Variants in AZGP1 observed in about 807,000 individuals in gnomAD.
AZGP1 encodes zinc-alpha-2-glycoprotein.
AZGP1 carries 28 observed loss-of-function variants against 31.5 expected under a neutral mutation model. The observed-to-expected ratio is 0.89, with a 90% confidence interval of 0.66 to 1.22. The LOEUF (loss-of-function observed/expected upper bound fraction) is 1.22. Ranked by LOEUF, AZGP1 falls within the 50% of genes most tolerant of loss-of-function variation. The pLI is 0.00. For missense variants in AZGP1, 361 were observed against 371.8 expected, an observed-to-expected ratio of 0.97 and a Z score of 0.24; for synonymous variants, 135 against 145.4, an observed-to-expected ratio of 0.93 and a Z score of 0.51.
chr7:99,971,332 C>G (rs964965407), intron 2 of AZGP1, among the ~76,000 whole-genome samples: 12 of 152,190 alleles, frequency 7.9e-5, no homozygotes, highest in Admixed American at 3.9e-4. Flanking sequence ...CTGTCAACAG[C>G]TAGGACTGGC....
chr7:99,968,521 A>T lies in AZGP1; in HGVS notation c.338-91T>A. 3 of 1,508,722 alleles carry T rather than the reference A, an allele frequency of 2.0e-6. No individual in the cohort carries two copies. The South Asian group carries it at 3.6e-5, about 18-fold the overall frequency. The allele number at this position is 1,508,722 out of a possible 1,614,324, so 93.5% of individuals were successfully genotyped here. Reference sequence around the variant, plus strand: ...TAGTCTTGCACATTGGGCAACCCAAAAGAAATAAAGGTTTTTGCAATTCAA... The same window carrying T: ...TAGTCTTGCACATTGGGCAACCCAATAGAAATAAAGGTTTTTGCAATTCAA... On this transcript the variant is annotated intron_variant, in intron 2 of 3. Transcript: ENST00000292401.
rs1789653939 is a variant in AZGP1 at position 99,975,934 on chromosome 7, T to C, written c.76+11A>G. Reference sequence around the variant, plus strand: ...CCTCTCCAGCACCCATCCCTTGCTTTCCCCACTCACCATCTTGGTTCTCCT... The same window carrying C: ...CCTCTCCAGCACCCATCCCTTGCTTCCCCCACTCACCATCTTGGTTCTCCT... On this transcript the variant is annotated intron_variant, in intron 1 of 3. Coordinates refer to ENST00000292401, the MANE Select transcript of AZGP1 (RefSeq NM_001185.4). 6.2e-7 allele frequency: 1 copy of C among 1,613,916 alleles called. No homozygotes were observed. The highest frequency in any genetic ancestry group is 2.2e-5 in the East Asian group (1 of 44,856).
In AZGP1 at chr7:99,970,620, C is replaced by T. The variant is rs554345946; in HGVS notation, c.337+1126G>A. On this transcript the variant is annotated intron_variant, in intron 2 of 3. Transcript: ENST00000292401. ...ATTATCCACTTTGCCATTTCTATTC[C>T]TGTCCATCAATGCTTCCCCCAGTGT... Among the ~76,000 whole-genome samples, 20 of 152,164 alleles carry T rather than the reference C, an allele frequency of 1.3e-4. No homozygotes were observed. The South Asian group carries it at 3.5e-3, about 27-fold the overall frequency.
In AZGP1 at chr7:99,966,765, T is replaced by C. The variant is rs571038450; in HGVS notation, c.*238A>G. 64 of 587,832 alleles carry C rather than the reference T, an allele frequency of 1.1e-4. No homozygotes were observed. The highest frequency in any genetic ancestry group is 9.1e-4 in the Middle Eastern group (2 of 2,200). 36.4% of individuals were successfully genotyped at this position (587,832 alleles called of 1,614,324 possible). On this transcript the variant is annotated 3_prime_UTR_variant, in exon 4 of 4. Coordinates refer to ENST00000292401, the MANE Select transcript of AZGP1 (RefSeq NM_001185.4). ...GGAGGGATGATTATTTATTAGCTTC[T>C]ACAGATTAGACAATGGGGTGGGGGT...
At chr7:99,973,946 T>C (rs893998478) in intron 1 of AZGP1, among the ~76,000 whole-genome samples, 3 of 148,916 alleles carry the variant, frequency 2.0e-5, no homozygotes, top group Non-Finnish European at 4.5e-5. Context: ...GACCTACTAT[T>C]TGATAGCACA....
In AZGP1 at chr7:99,968,302, G is replaced by C. The variant is rs368303307; in HGVS notation, c.466C>G (p.Pro156Ala). The C allele has an allele frequency of 1.9e-6, 3 of 1,613,494 alleles. No homozygotes were observed. The highest frequency in any genetic ancestry group is 1.3e-5 in the African/African-American group (1 of 74,676). Residue 156 changes from proline (P) to alanine (A), a missense_variant, in exon 3 of 4, where the codon CCC (proline) becomes GCC (alanine). Coordinates refer to ENST00000292401, the MANE Select transcript of AZGP1 (RefSeq NM_001185.4). ...EFNKEIPAWV[P>A]FDPAAQITKQ... ...GTTATCTGGGCTGCTGGGTCGAAGG[G>C]GACCCAGGCTGGGATTTCTTTGTTG...
At position 99,967,948 on chromosome 7, in the gene AZGP1, C is replaced by A. The variant is rs999055822; in HGVS notation, c.613+207G>T. The A allele has an allele frequency of 1.8e-5, 13 of 724,460 alleles. No homozygotes were observed. The Admixed American group carries it at 2.8e-4, about 16-fold the overall frequency. 44.9% of individuals were successfully genotyped at this position (724,460 alleles called of 1,614,324 possible). ...CATCAAGAAAGAATGGCCTTCCTGG[C>A]CCATTCTGCCTGAAATTTTGATGAT... On this transcript the variant is annotated intron_variant, in intron 3 of 3. Coordinates refer to ENST00000292401, the MANE Select transcript of AZGP1 (RefSeq NM_001185.4).
intron 3 of AZGP1, 97 bp downstream of exon 3, chr7:99,968,058 G>A: frequency 1.3e-6 from 2 of 1,490,260 alleles, no homozygotes; most frequent in Non-Finnish European, 1.9e-6. Context: ...GGACATCCAG[G>A]AACAGATGAG....
In AZGP1 at chr7:99,966,817, G is replaced by A. The variant is rs557031802; in HGVS notation, c.*186C>T. On this transcript the variant is annotated 3_prime_UTR_variant, in exon 4 of 4. Coordinates refer to ENST00000292401, the MANE Select transcript of AZGP1 (RefSeq NM_001185.4). ...GGCTCAAGGTGAGATGATTTTTTGG[G>A]TCCAAGTCTACTCAAGACAGGCATC... The A allele has an allele frequency of 2.3e-6, 2 of 862,270 alleles. No individual in the cohort carries two copies. Among genetic ancestry groups the A allele is most frequent in the East Asian group, 2.6e-5 (1 of 38,528 alleles). The allele number at this position is 862,270 out of a possible 1,614,324, so 53.4% of individuals were successfully genotyped here.
intron 3 of AZGP1, 40 bp downstream of exon 3, chr7:99,968,115 A>G: frequency 6.2e-7 from 1 of 1,611,060 alleles, no homozygotes; most frequent in Non-Finnish European, 8.5e-7. Context: ...ATCGTCTTTT[A>G]TTCTGGGCTC....
At position 99,967,247 on chromosome 7, in the gene AZGP1, C is replaced by G. The variant is rs143279151; in HGVS notation, c.653G>C (p.Gly218Ala). The G allele has an allele frequency of 5.6e-6, 9 of 1,613,126 alleles. No individual in the cohort carries two copies. In the South Asian group the frequency reaches 9.9e-5, roughly 18 times the overall value. Residue 218 changes from glycine to alanine, a missense_variant, in exon 4 of 4, where the codon GGA (glycine) becomes GCA (alanine). Physicochemically the swap from Gly to Ala is moderately conservative, Grantham distance 60 (BLOSUM62 0). Transcript: ENST00000292401. ...SVVVTSHQAP[G>A]EKKKLKCLAY... ...CAGGCACTTCAGTTTCTTCTTTTCT[C>G]CTGGGGCCTGGTGGCTGGTGACCAC...
Position 99,968,349 on chromosome 7 carries a change from T to G in AZGP1, c.419A>C (p.Asp140Ala), listed in dbSNP as rs752643498. The change falls in exon 3 of 4, where the codon GAT becomes GCT. Residue 140 changes from aspartate (D) to alanine (A), a missense_variant. By Grantham distance (126) the Asp-to-Ala change is moderately radical (BLOSUM62 -2). Transcript: ENST00000292401. Reference sequence around the variant, plus strand: ...GTTGAATTCAATGTAGTCCTTTCCATCATAGTAATATTTCCAGAATGCTCC... The same window carrying G: ...GTTGAATTCAATGTAGTCCTTTCCAGCATAGTAATATTTCCAGAATGCTCC... Reference protein sequence around the residue: ...SSGAFWKYYYDGKDYIEFNKE... With the variant: ...SSGAFWKYYYAGKDYIEFNKE... 1 of 1,613,520 alleles carries G rather than the reference T, an allele frequency of 6.2e-7. No homozygotes were observed. The highest frequency in any genetic ancestry group is 8.5e-7 in the Non-Finnish European group (1 of 1,179,948).
chr7:99,971,465 T>C, intron 2 of AZGP1: 1 of 377,986 alleles, frequency 2.6e-6, no homozygotes. Context: ...ATGGGTGGGG[T>C]GTGGAGGTGA....
intron 3 of AZGP1, chr7:99,967,629 C>G (rs1054036590): frequency 2.3e-5 from 10 of 442,670 alleles, no homozygotes; most frequent in Non-Finnish European, 3.7e-5. Flanking sequence ...CAACCACTTC[C>G]CTGCAGCACT....
intron 2 of AZGP1, 135 bp downstream of exon 2, chr7:99,971,611 C>T: frequency 8.7e-7 from 1 of 1,154,304 alleles, no homozygotes; most frequent in Non-Finnish European, 1.2e-6. Flanking sequence ...GTGGACATGT[C>T]TGTGTTTCTG....
intron 1 of AZGP1, 38 bp downstream of exon 1, chr7:99,975,907 G>C: frequency 1.2e-6 from 2 of 1,607,914 alleles, no homozygotes; most frequent in Non-Finnish European, 1.7e-6. Flanking sequence ...CCTCCTTCCA[G>C]TCCTCTCCAG....
intron 1 of AZGP1, among the ~76,000 whole-genome samples, chr7:99,972,428 T>C (rs1789594252): frequency 6.6e-6 from 1 of 151,874 alleles, no homozygotes; most frequent in African/African-American, 2.4e-5. Flanking sequence ...TATGAAAGAG[T>C]CTCAATATGC....
intron 1 of AZGP1, among the ~76,000 whole-genome samples, 175 bp downstream of exon 1, chr7:99,975,770 G>A (rs1444170156): frequency 6.6e-6 from 1 of 152,106 alleles, no homozygotes. Flanking sequence ...CAGCGCAGAG[G>A]CTCCCTGAAT....
In AZGP1 at chr7:99,971,954, G is replaced by A. The variant is rs758949631; in HGVS notation, c.129C>T (p.Asp43=). ...IYTGLSKHVE[D]VPAFQALGSL... is the part of the protein sequence containing the mutation. ...AGCCAAGGGCCTGAAACGCGGGGAC[G>A]TCTTCAACATGCTTGGACAGCCCAG... The change falls in exon 2 of 4, where the codon GAC becomes GAT. Residue 43 remains aspartate, a synonymous_variant. Transcript: ENST00000292401. 16 of 1,613,942 alleles carry A rather than the reference G, an allele frequency of 9.9e-6. No homozygotes were observed. The highest frequency in any genetic ancestry group is 2.7e-5 in the African/African-American group (2 of 74,906).
Sources: gnomAD v4.1 joint callset for allele counts (sites outside exome capture counted in the v4.1 genomes callset) on GRCh38, gnomAD v4.1.1 for gene constraint, MANE v1.5 for transcripts, NCBI Gene and HGNC (gene_info 2026-07-23, HGNC 2026-07-21) for gene names.